The following LTV1 variants were observed in gnomAD, a reference collection of about 807,000 sequenced individuals.
The protein encoded by LTV1 is LTV1 ribosome biogenesis factor.
A neutral mutation model predicts 59.9 loss-of-function variants in LTV1; 39 were observed. The ratio of observed to expected loss-of-function variants is 0.65; its 90% confidence interval spans 0.50 to 0.85. LTV1 has a LOEUF of 0.85. Among genes scored for constraint, LTV1 ranks in the 40% least tolerant of loss-of-function variants. The pLI is 0.00. For missense variants in LTV1, 493 were observed against 549.1 expected, an observed-to-expected ratio of 0.90 and a Z score of 1.02; for synonymous variants, 171 against 189.5, an observed-to-expected ratio of 0.90 and a Z score of 0.80.
rs1279507978 is a variant in LTV1 at position 143,844,525 on chromosome 6, GC to G, written c.44del (p.Ala15ValfsTer15). ...KKKPFIEKKK[A>X]VSFHLVHRSQ... ...AAAGCCCTTTATAGAGAAGAAGAAA[GC>G]TGTGTCTTTTCACTTGGTCCACCGG... is the stretch of plus-strand genomic sequence containing the variant. On this transcript the variant is annotated frameshift_variant, in exon 2 of 11. Transcript: ENST00000367576. LOFTEE classifies it high-confidence loss of function. 8 of 1,614,106 alleles carry G rather than the reference GC, an allele frequency of 5.0e-6. No homozygotes were observed. Among genetic ancestry groups the G allele is most frequent in the Non-Finnish European group, 6.8e-6 (8 of 1,179,984 alleles).
At chr6:143,850,904 A>G (rs1484245509) in intron 4 of LTV1, among the ~76,000 whole-genome samples, 1 of 152,358 alleles carries the variant, frequency 6.6e-6, no homozygotes, top group South Asian at 2.1e-4. Context: ...ATTACAGTAT[A>G]GATGGATATT....
chr6:143,861,100 T>C (rs1163098854), intron 7 of LTV1, among the ~76,000 whole-genome samples: 1 of 152,114 alleles, frequency 6.6e-6, no homozygotes, highest in Non-Finnish European at 1.5e-5. Context: ...TTCCACCATG[T>C]TGGCCAGGCT....
rs758633705 is a variant in LTV1, at chr6:143,857,736, A to T, written c.540-16A>T. ...TTTAAGTTGTTTTGGTAGGTAATTT[A>T]TGACCTTTACTTTAGGAAATCTGAG... On this transcript the variant is annotated splice_polypyrimidine_tract_variant and intron_variant, in intron 5 of 10. Transcript: ENST00000367576. This position sits in a 1 kb window ranked among gnomAD's most constrained non-coding sequence, Gnocchi z 5.2. 8 of 1,613,382 alleles carry T rather than the reference A, an allele frequency of 5.0e-6. No individual in the cohort carries two copies. The Admixed American group carries it at 1.3e-4, about 27-fold the overall frequency.
Position 143,846,049 on chromosome 6 carries a change from A to G in LTV1, c.136-2A>G. On this transcript the variant is annotated splice_acceptor_variant, in intron 2 of 10. Coordinates refer to ENST00000367576, the MANE Select transcript of LTV1 (RefSeq NM_032860.5). LOFTEE classifies it high-confidence loss of function. Reference sequence around the variant, plus strand: ...AAAGTACTAATTCCATTTCGTTTATAGATAGACAATGAAGAAAGGCGAGCA... The same window carrying G: ...AAAGTACTAATTCCATTTCGTTTATGGATAGACAATGAAGAAAGGCGAGCA... The G allele has an allele frequency of 6.2e-7, 1 of 1,612,472 alleles. No individual in the cohort carries two copies. The highest frequency in any genetic ancestry group is 8.5e-7 in the Non-Finnish European group (1 of 1,179,506).
At chr6:143,859,421 A>G (rs1226488659) in intron 6 of LTV1, among the ~76,000 whole-genome samples, 1 of 152,210 alleles carries the variant, frequency 6.6e-6, no homozygotes, top group Non-Finnish European at 1.5e-5. Flanking sequence ...GAATTCCCCA[A>G]GGGCAGAGAG....
At chr6:143,858,864 A>G (rs1239843102) in intron 6 of LTV1, among the ~76,000 whole-genome samples, 1 of 152,182 alleles carries the variant, frequency 6.6e-6, no homozygotes, top group Non-Finnish European at 1.5e-5. Context: ...TGAGTGTTGA[A>G]AACAGCGTAT....
In LTV1 at chr6:143,863,118, A is replaced by C; in HGVS notation, c.1149A>C (p.Gly383=). ...AAATTCGAATATCTTCTAAAACAGGAATACCTCTCAATGTCTTACCAAAGA... is the reference window on the plus strand; with the variant it reads ...AAATTCGAATATCTTCTAAAACAGGCATACCTCTCAATGTCTTACCAAAGA... The part of the protein sequence containing the change: ...PKQIRISSKT[G]IPLNVLPKKG... Residue 383 remains glycine, a synonymous_variant, in exon 10 of 11, where the codon GGA becomes GGC. Coordinates refer to ENST00000367576, the MANE Select transcript of LTV1 (RefSeq NM_032860.5). The surrounding 1 kb of genome is among the most constrained non-coding windows in gnomAD (Gnocchi z 4.5). 1 of 1,613,926 alleles carries C rather than the reference A, an allele frequency of 6.2e-7. No individual in the cohort carries two copies. Among genetic ancestry groups the C allele is most frequent in the South Asian group, 1.1e-5 (1 of 91,076 alleles).
intron 1 of LTV1, among the ~76,000 whole-genome samples, 196 bp downstream of exon 1, chr6:143,843,676 C>T (rs1243994647): frequency 1.3e-5 from 2 of 152,184 alleles, no homozygotes; most frequent in East Asian, 3.9e-4. Context: ...CGCCGAGCCT[C>T]CCTGGGATGT....
At chr6:143,850,764 A>C (rs548897071) in intron 4 of LTV1, among the ~76,000 whole-genome samples, 4 of 152,342 alleles carry the variant, frequency 2.6e-5, no homozygotes, top group East Asian at 3.9e-4. Context: ...GGCATTCATT[A>C]ATTAATTTAT....
In LTV1 at chr6:143,863,207, T is replaced by A. The variant is rs1178327834; in HGVS notation, c.1238T>A (p.Val413Glu). ...ATTAATGGCAGTGATCTTCCTAAAG[T>A]ATCAACTCAGCCACGTTCTAAAAAT... ...QMINGSDLPK[V>E]STQPRSKNES... The change falls in exon 10 of 11, where the codon GTA (valine) becomes GAA (glutamate). Residue 413 changes from valine (V) to glutamate (E), a missense_variant. Val to Glu is a moderately radical substitution (Grantham distance 121). Coordinates refer to ENST00000367576, the MANE Select transcript of LTV1 (RefSeq NM_032860.5). The surrounding 1 kb of genome is among the most constrained non-coding windows in gnomAD (Gnocchi z 4.5). The A allele has an allele frequency of 6.2e-7, 1 of 1,614,010 alleles. No individual in the cohort carries two copies. The highest frequency in any genetic ancestry group is 1.1e-5 in the South Asian group (1 of 91,076).
chr6:143,861,807 A>C (rs1319013414), intron 7 of LTV1, among the ~76,000 whole-genome samples: 1 of 139,354 alleles, frequency 7.2e-6, no homozygotes, highest in African/African-American at 2.7e-5. Flanking sequence ...CTTTGCAGAG[A>C]CAGATGAGTT....
rs940914261 is a variant in LTV1, at chr6:143,862,823, G to A, written c.1064-21G>A. 2 of 1,441,124 alleles carry A rather than the reference G, an allele frequency of 1.4e-6. No individual in the cohort carries two copies. Among genetic ancestry groups the A allele is most frequent in the South Asian group, 1.1e-5 (1 of 87,330 alleles). 89.3% of individuals were successfully genotyped at this position (1,441,124 alleles called of 1,614,324 possible). ...ACTGAAAACATGCTTACTGATACAT[G>A]ACTTTTATTTGTTTGTTTAGGTACA... On this transcript the variant is annotated intron_variant, in intron 8 of 10. Transcript: ENST00000367576. The surrounding 1 kb of genome is among the most constrained non-coding windows in gnomAD (Gnocchi z 4.2).
Position 143,862,709 on chromosome 6 carries a change from T to C in LTV1, c.1064-135T>C. 5 of 640,546 alleles carry C rather than the reference T, an allele frequency of 7.8e-6. No homozygotes were observed. The South Asian group carries it at 9.7e-5, about 12-fold the overall frequency. The allele number at this position is 640,546 out of a possible 1,614,324, so 39.7% of individuals were successfully genotyped here. On this transcript the variant is annotated intron_variant, in intron 8 of 10. Transcript: ENST00000367576. This position sits in a 1 kb window ranked among gnomAD's most constrained non-coding sequence, Gnocchi z 4.2. ...CCAATACTGAGTTGTAAGCAATTTA[T>C]AAAACATTGATCAGAGACTCCAGTG...
Position 143,843,465 on chromosome 6 carries a change from G to A in LTV1, c.-13G>A. ...GCCGCCCCTGTTGGGGGTGAGCGCC[G>A]CGCGGCTGCAGCATGGTGAGCAAGC... On this transcript the variant is annotated 5_prime_UTR_variant, in exon 1 of 11. Transcript: ENST00000367576. The A allele has an allele frequency of 1.2e-6, 2 of 1,613,294 alleles. No homozygotes were observed. Among genetic ancestry groups the A allele is most frequent in the South Asian group, 2.2e-5 (2 of 91,078 alleles).
chr6:143,847,524 GC>G (rs1469494290), intron 3 of LTV1, among the ~76,000 whole-genome samples: 2 of 152,190 alleles, frequency 1.3e-5, no homozygotes, highest in African/African-American at 4.8e-5. Flanking sequence ...ACTGTGCCCG[GC>G]TAATTTTGTA....
chr6:143,844,896 A>G (rs1776865455), intron 2 of LTV1, among the ~76,000 whole-genome samples: 1 of 152,294 alleles, frequency 6.6e-6, no homozygotes, highest in Admixed American at 6.5e-5. Flanking sequence ...TTTCAGTACA[A>G]TTGGTGATTT....
chr6:143,848,793 G>A (rs1001498765), intron 3 of LTV1, among the ~76,000 whole-genome samples: 1 of 152,228 alleles, frequency 6.6e-6, no homozygotes, highest in Non-Finnish European at 1.5e-5. Flanking sequence ...TCATGTCGGA[G>A]GGTAGGAACC....
rs1239063975 is a variant in LTV1 at position 143,846,215 on chromosome 6, A to G, written c.300A>G (p.Leu100=). 1.9e-6 allele frequency: 3 copies of G among 1,608,838 alleles called. No individual in the cohort carries two copies. The highest frequency in any genetic ancestry group is 2.7e-5 in the African/African-American group (2 of 74,636). ...HNRREEKEET[L]VIPSTGIKLP... ...GGAGAGAGGAGAAAGAAGAAACGCT[A>G]GTAATTCCAGTAAGGCTTTTCAGCA... The change falls in exon 3 of 11, where the codon CTA becomes CTG. Residue 100 remains leucine, a synonymous_variant. Transcript: ENST00000367576.
At position 143,857,417 on chromosome 6, in the gene LTV1, C is replaced by A. The variant is rs780092527; in HGVS notation, c.512C>A (p.Thr171Lys). The A allele has an allele frequency of 6.2e-7, 1 of 1,613,942 alleles. No homozygotes were observed. The highest frequency in any genetic ancestry group is 8.5e-7 in the Non-Finnish European group (1 of 1,179,934). Residue 171 changes from threonine (T) to lysine (K), a missense_variant, in exon 5 of 11, where the codon ACA becomes AAA. Physicochemically the swap from Thr to Lys is moderately conservative, Grantham distance 78 (BLOSUM62 -1). Transcript: ENST00000367576. The surrounding 1 kb of genome is among the most constrained non-coding windows in gnomAD (Gnocchi z 5.2). ...TTTATTCTTCAGGCCAATAAGGCAA[C>A]AGGAGAGGAAGAGGGAATGGATATA... ...DDFILQANKA[T>K]GEEEGMDIQK...
Sources: gnomAD v4.1 joint callset for allele counts (sites outside exome capture counted in the v4.1 genomes callset) on GRCh38, gnomAD v4.1.1 for gene constraint, Gnocchi (gnomAD v3.1) non-coding constraint, MANE v1.5 for transcripts, NCBI Gene and HGNC (gene_info 2026-07-23, HGNC 2026-07-21) for gene names.